The following GSPT1 variants were observed in gnomAD, a reference collection of about 807,000 sequenced individuals.
GSPT1 encodes the protein G1 to S phase transition 1, also known as eukaryotic peptide chain release factor GTP-binding subunit ERF3A.
Under a neutral mutation model 72.5 loss-of-function variants are expected in GSPT1, and 20 were observed. That is an observed-to-expected ratio of 0.28 (90% confidence interval 0.19 to 0.40). The LOEUF (loss-of-function observed/expected upper bound fraction) is 0.40. GSPT1 is among the 10% of genes least tolerant of loss of function. GSPT1 has a pLI of 1.00. For synonymous variants in GSPT1, 334 were observed against 293.5 expected, an observed-to-expected ratio of 1.14 and a Z score of -1.41; for missense variants, 580 against 811.9, an observed-to-expected ratio of 0.71 and a Z score of 3.47.
rs541133202 is a variant in GSPT1, at chr16:11,877,162, C to G, written c.1602+245G>C. Among the ~76,000 whole-genome samples, 3 of 152,252 alleles carry G rather than the reference C, an allele frequency of 2.0e-5. No homozygotes were observed. In the East Asian group the frequency reaches 5.8e-4, roughly 29 times the overall value. On this transcript the variant is annotated intron_variant, in intron 12 of 14. Transcript: ENST00000434724. This position sits in a 1 kb window ranked among gnomAD's most constrained non-coding sequence, Gnocchi z 4.0. ...ACTGTAGAATGTATCATCAGGAGAT[C>G]AAACATAAAAAGGAACTTACAAAGA...
chr16:11,897,903 A>AAT, intron 2 of GSPT1, 22 bp from the exon 3 acceptor site: 1 of 1,502,680 alleles, frequency 6.7e-7, no homozygotes, highest in Non-Finnish European at 9.1e-7. Flanking sequence ...ATTGAAATAT[A>AAT]ATATATATTT....
At chr16:11,876,959 C>T (rs529488228) in intron 12 of GSPT1, among the ~76,000 whole-genome samples, 1 of 152,314 alleles carries the variant, frequency 6.6e-6, no homozygotes, top group East Asian at 1.9e-4. Context: ...TAGAAAAGAA[C>T]TTTAAAAAAT....
intron 6 of GSPT1, among the ~76,000 whole-genome samples, chr16:11,889,286 C>A (rs2054224229): frequency 6.8e-6 from 1 of 147,232 alleles, no homozygotes; most frequent in Non-Finnish European, 1.5e-5. Context: ...CCAGCCTGGG[C>A]AACAGAGCCT....
chr16:11,878,894 G>A (rs944829268), intron 11 of GSPT1, among the ~76,000 whole-genome samples: 1 of 151,810 alleles, frequency 6.6e-6, no homozygotes, highest in Non-Finnish European at 1.5e-5. Flanking sequence ...GTGAAACCCT[G>A]TCTCTACTAA....
At chr16:11,882,978 CAATA>C (rs779828613) in intron 11 of GSPT1, 33 bp downstream of exon 11, 17 of 1,358,978 alleles carry the variant, frequency 1.3e-5, no homozygotes, top group Admixed American at 6.8e-5. Context: ...GAAAAAAAAT[CAATA>C]AATAGATAGG....
At chr16:11,916,446 T>G (rs746490068), upstream of GSPT1, among the ~76,000 whole-genome samples, 4 of 152,236 alleles carry the variant, frequency 2.6e-5, no homozygotes, top group South Asian at 4.1e-4. Context: ...CGAAAATTCT[T>G]GTACTCTCTT....
chr16:11,915,898 GCGA>G lies in GSPT1; in HGVS notation c.-181_-179del, dbSNP rs2054631068. The G allele has an allele frequency of 3.3e-6, 3 of 911,952 alleles. No homozygotes were observed. Among genetic ancestry groups the G allele is most frequent in the Non-Finnish European group, 5.4e-6 (3 of 559,690 alleles). The allele number at this position is 911,952 out of a possible 1,614,324, so 56.5% of individuals were successfully genotyped here. On this transcript the variant is annotated 5_prime_UTR_variant, in exon 1 of 15. Coordinates refer to ENST00000434724, the MANE Select transcript of GSPT1 (RefSeq NM_002094.4). ...CAGCTCCAGTCCCGACTCCACACTC[GCGA>G]CGACGACAGAGGCGGCGGCGGCGGC...
In GSPT1 at chr16:11,915,413, G is replaced by A. The variant is rs780377511; in HGVS notation, c.308C>T (p.Ala103Val). The change falls in exon 1 of 15, where the codon GCC (alanine) becomes GTC (valine). Residue 103 changes from alanine (A) to valine (V), a missense_variant. Ala to Val is a moderately conservative substitution (Grantham distance 64, BLOSUM62 0). Transcript: ENST00000434724. ...PAAPPPPVGG[A>V]ANNHGAGSGA... The stretch of plus-strand genomic sequence containing the variant: ...GCTGCCGGCTCCGTGGTTATTGGCG[G>A]CGCCGCCAACTGGGGGTGGCGGCGC... The A allele has an allele frequency of 6.6e-7, 1 of 1,509,610 alleles. No individual in the cohort carries two copies. Among genetic ancestry groups the A allele is most frequent in the Admixed American group, 2.2e-5 (1 of 44,912 alleles). 93.5% of individuals were successfully genotyped at this position (1,509,610 alleles called of 1,614,324 possible).
At chr16:11,914,846 T>G (rs909146347) in intron 1 of GSPT1, 5 of 417,572 alleles carry the variant, frequency 1.2e-5, no homozygotes, top group South Asian at 7.8e-5. Context: ...TTCAGGACGG[T>G]TGGGGGCCAC....
At chr16:11,897,051 C>G (rs185602061) in intron 3 of GSPT1, among the ~76,000 whole-genome samples, 65 of 152,194 alleles carry the variant, frequency 4.3e-4, no homozygotes, top group African/African-American at 1.5e-3. Flanking sequence ...TAATGGCAAA[C>G]AAAATGCAAA....
chr16:11,889,305 C>G (rs778934720), intron 6 of GSPT1, among the ~76,000 whole-genome samples: 20 of 149,988 alleles, frequency 1.3e-4, no homozygotes, highest in Non-Finnish European at 2.7e-4. Flanking sequence ...CTAGGTCGTG[C>G]CCGGCACCCC....
intron 1 of GSPT1, among the ~76,000 whole-genome samples, chr16:11,910,123 T>A (rs1185412480): frequency 3.9e-5 from 6 of 152,006 alleles, no homozygotes; most frequent in Non-Finnish European, 7.4e-5. Flanking sequence ...AAAAGTTTTT[T>A]AAAATACACA....
At position 11,896,544 on chromosome 16, in the gene GSPT1, T is replaced by C. The variant is rs376393587; in HGVS notation, c.664+14A>G. The C allele has an allele frequency of 1.4e-6, 2 of 1,447,092 alleles. No individual in the cohort carries two copies. Among genetic ancestry groups the C allele is most frequent in the Non-Finnish European group, 1.9e-6 (2 of 1,042,122 alleles). 89.6% of individuals were successfully genotyped at this position (1,447,092 alleles called of 1,614,324 possible). A position where few individuals can be genotyped will look rare whatever the true frequency, so the allele number is the denominator to read the frequency against. Reference sequence around the variant, plus strand: ...ATGTATCCAGTAACTTTAATTGCTATGAGAGCAGCTTACCTACGTGCCCAA... The same window carrying C: ...ATGTATCCAGTAACTTTAATTGCTACGAGAGCAGCTTACCTACGTGCCCAA... On this transcript the variant is annotated intron_variant, in intron 4 of 14. Coordinates refer to ENST00000434724, the MANE Select transcript of GSPT1 (RefSeq NM_002094.4).
chr16:11,896,935 T>C, intron 3 of GSPT1, 150 bp from the exon 4 acceptor site: 1 of 627,242 alleles, frequency 1.6e-6, no homozygotes, highest in Non-Finnish European at 2.8e-6. Flanking sequence ...ACCTCTTTCA[T>C]AGCAGAAATG....
At position 11,915,680 on chromosome 16, in the gene GSPT1, C is replaced by CCGA. The variant is rs2054626166; in HGVS notation, c.40_41insTCG (p.Gly13_Gly14insVal). On this transcript the variant is annotated inframe_insertion, in exon 1 of 15. Coordinates refer to ENST00000434724, the MANE Select transcript of GSPT1 (RefSeq NM_002094.4). ...GCTGCTGCCGCTGCTGCTCCCGCCG[C>CCGA]CGCCGCCGCCGCCGCCGCCGCCGCC... 1.5e-6 allele frequency: 2 copies of CCGA among 1,319,942 alleles called. No individual in the cohort carries two copies. The highest frequency in any genetic ancestry group is 2.6e-5 in the Admixed American group (1 of 38,596). 81.8% of individuals were successfully genotyped at this position (1,319,942 alleles called of 1,614,324 possible). A position where few individuals can be genotyped will look rare whatever the true frequency, so the allele number is the denominator to read the frequency against.
chr16:11,896,059 G>C (rs1368820412), intron 4 of GSPT1, among the ~76,000 whole-genome samples: 2 of 152,220 alleles, frequency 1.3e-5, no homozygotes, highest in Non-Finnish European at 2.9e-5. Context: ...TCTGGGGATA[G>C]GCCAGATAAT....
chr16:11,897,906 A>G lies in GSPT1; in HGVS notation c.395-25T>C, dbSNP rs1016055252. The G allele has an allele frequency of 8.2e-6, 12 of 1,472,158 alleles. No individual in the cohort carries two copies. In the Admixed American group the frequency reaches 2.3e-4, roughly 29 times the overall value. 91.2% of individuals were successfully genotyped at this position (1,472,158 alleles called of 1,614,324 possible). ...CCTAGACAAGAGATTGAAATATAAT[A>G]TATATTTACCAAACAGTATCTAGCT... On this transcript the variant is annotated intron_variant, in intron 2 of 14. Transcript: ENST00000434724.
At chr16:11,901,306 C>T (rs550200233) in intron 1 of GSPT1, among the ~76,000 whole-genome samples, 41 of 152,196 alleles carry the variant, frequency 2.7e-4, no homozygotes, top group African/African-American at 9.6e-4. Flanking sequence ...TAGAATTTTC[C>T]GAGGTTGAAC....
chr16:11,893,122 T>C (rs1400018665), intron 5 of GSPT1, among the ~76,000 whole-genome samples: 2 of 151,852 alleles, frequency 1.3e-5, no homozygotes, highest in Non-Finnish European at 2.9e-5. Flanking sequence ...AAGGTGGGCA[T>C]GGTGGTGCAA....
Sources: allele counts gnomAD v4.1 joint callset (sites outside exome capture counted in the v4.1 genomes callset), GRCh38; gene constraint gnomAD v4.1.1; non-coding constraint Gnocchi (gnomAD v3.1); transcripts MANE v1.5; gene names NCBI Gene and HGNC (gene_info 2026-07-23, HGNC 2026-07-21).